Variants in RAD50 observed in about 807,000 individuals in gnomAD.
RAD50 encodes the protein RAD50 double strand break repair protein.
A neutral mutation model predicts 168.8 loss-of-function variants in RAD50; 132 were observed. That is an observed-to-expected ratio of 0.78 (90% CI 0.68 to 0.90). The LOEUF (loss-of-function observed/expected upper bound fraction) is 0.90. Among genes scored for constraint, RAD50 ranks in the 40% least tolerant of loss-of-function variants. The pLI, the probability that RAD50 is intolerant of heterozygous loss-of-function variation, is 0.00. For synonymous variants in RAD50, 525 were observed against 497.4 expected (o/e 1.06, Z -0.74); for missense variants, 1,347 against 1,534.4 (o/e 0.88, Z 2.04).
At position 132,558,548 on chromosome 5, in the gene RAD50, T is replaced by C. The variant is rs563538691; in HGVS notation, c.130-736T>C. Among the ~76,000 whole-genome samples the C allele has an allele frequency of 1.7e-3, 255 of 151,694 alleles. 2 individuals are homozygous for C. Among genetic ancestry groups the C allele is most frequent in the African/African-American group, 6.0e-3 (250 of 41,330 alleles). ...CAACGTGGCGAAACCCCATCTCTAA[T>C]AAAAATACAAAAATTAGCCAGGCGT... On this transcript the variant is annotated intron_variant, in intron 1 of 24. Transcript: ENST00000378823.
intron 19 of RAD50, among the ~76,000 whole-genome samples, chr5:132,612,461 A>G (rs946191700): frequency 6.6e-6 from 1 of 152,212 alleles, no homozygotes; most frequent in Non-Finnish European, 1.5e-5. Context: ...TAAAACTGCT[A>G]AATTGTACAC....
At position 132,589,732 on chromosome 5, in the gene RAD50, C is replaced by T. The variant is rs2149841505; in HGVS notation, c.1347C>T (p.Ile449=). 1 of 1,613,038 alleles carries T rather than the reference C, an allele frequency of 6.2e-7. No individual in the cohort carries two copies. The highest frequency in any genetic ancestry group is 8.5e-7 in the Non-Finnish European group (1 of 1,179,332). The stretch of plus-strand genomic sequence containing the variant: ...GAATAATTGAGTTAAAATCAGAAAT[C>T]CTAAGTAAGAAGCAGAATGAGCTGA... ...LGRIIELKSE[I]LSKKQNELKN... The change falls in exon 9 of 25, where the codon ATC becomes ATT. Residue 449 remains isoleucine (I), a synonymous_variant. Coordinates refer to ENST00000378823, the MANE Select transcript of RAD50 (RefSeq NM_005732.4).
At chr5:132,562,368 G>A (rs1378948210) in intron 2 of RAD50, among the ~76,000 whole-genome samples, 1 of 152,160 alleles carries the variant, frequency 6.6e-6, no homozygotes, top group East Asian at 1.9e-4. Context: ...GATGATCCAG[G>A]TGAGAAATAT....
intron 5 of RAD50, 152 bp from the exon 6 acceptor site, chr5:132,587,410 A>T: frequency 8.4e-7 from 1 of 1,189,680 alleles, no homozygotes; most frequent in Non-Finnish European, 1.1e-6. Context: ...TCTGAACTTC[A>T]GTTTCTCTAG....
intron 5 of RAD50, among the ~76,000 whole-genome samples, chr5:132,582,917 G>A (rs906422079): frequency 6.6e-6 from 1 of 152,148 alleles, no homozygotes; most frequent in African/African-American, 2.4e-5. Context: ...AAGGAATTCA[G>A]GGGATCTGGT....
chr5:132,568,195 C>T (rs1302353747), intron 2 of RAD50, among the ~76,000 whole-genome samples: 4 of 152,002 alleles, frequency 2.6e-5, no homozygotes, highest in East Asian at 1.9e-4. Flanking sequence ...CTCAGCCTCC[C>T]GAGTAGCTGG....
intron 21 of RAD50, among the ~76,000 whole-genome samples, chr5:132,625,007 CT>C (rs1367549786): frequency 6.6e-6 from 1 of 151,568 alleles, no homozygotes. Context: ...TAAGTTTTAC[CT>C]TTTTTAAAAA....
At chr5:132,563,879 TTGTTTAAAAGTG>T (rs1464075989) in intron 2 of RAD50, among the ~76,000 whole-genome samples, 5 of 152,112 alleles carry the variant, frequency 3.3e-5, no homozygotes, top group African/African-American at 4.8e-5. Context: ...TGAGATCTGA[TTGTTTAAAAGTG>T]TGTAGCACCT....
intron 11 of RAD50, among the ~76,000 whole-genome samples, chr5:132,594,503 T>C (rs1258994631): frequency 1.3e-5 from 2 of 152,154 alleles, no homozygotes; most frequent in African/African-American, 4.8e-5. Context: ...GAAGTAGTAT[T>C]TGTGAAAGGA....
chr5:132,628,628 C>G (rs920307924), intron 21 of RAD50, among the ~76,000 whole-genome samples: 1 of 151,934 alleles, frequency 6.6e-6, no homozygotes, highest in Non-Finnish European at 1.5e-5. Flanking sequence ...GGTGGATCAC[C>G]TGAAGTCAGG....
intron 5 of RAD50, among the ~76,000 whole-genome samples, chr5:132,581,353 C>T (rs1376955461): frequency 1.3e-5 from 2 of 152,254 alleles, no homozygotes; most frequent in East Asian, 3.9e-4. Flanking sequence ...CTCCCGACCT[C>T]AAGTGATCTG....
intron 13 of RAD50, among the ~76,000 whole-genome samples, chr5:132,596,013 T>G (rs1750786443): frequency 6.6e-6 from 1 of 152,108 alleles, no homozygotes; most frequent in South Asian, 2.1e-4. Context: ...CTTTTTTTTT[T>G]CTGAGACAGA....
chr5:132,579,872 G>C lies in RAD50; in HGVS notation c.562G>C (p.Ala188Pro). The C allele has an allele frequency of 6.2e-7, 1 of 1,610,748 alleles. No homozygotes were observed. Among genetic ancestry groups the C allele is most frequent in the Non-Finnish European group, 8.5e-7 (1 of 1,177,226 alleles). ...EIFSATRYIK[A>P]LETLRQVRQT... is the part of the protein sequence containing the mutation. ...TTCATATCTTCAAAGATACATTAAA[G>C]CCTTAGAAACACTTCGGCAGGTACG... The change falls in exon 5 of 25, where the codon GCC becomes CCC. Residue 188 changes from alanine (A) to proline (P), a missense_variant. Physicochemically the swap from Ala to Pro is conservative, Grantham distance 27 (BLOSUM62 -1). This residue lies in a region of RAD50 where 703 missense variants were observed against 767.7 expected (regional missense o/e 0.92). Coordinates refer to ENST00000378823, the MANE Select transcript of RAD50 (RefSeq NM_005732.4).
chr5:132,618,633 C>T (rs1201540177), intron 21 of RAD50, among the ~76,000 whole-genome samples: 8 of 152,214 alleles, frequency 5.3e-5, no homozygotes, highest in Non-Finnish European at 2.9e-5. Context: ...CCGCCTCGGC[C>T]TCCCAAAGTG....
intron 2 of RAD50, among the ~76,000 whole-genome samples, chr5:132,568,137 CT>C (rs1305001108): frequency 2.0e-5 from 3 of 151,736 alleles, no homozygotes; most frequent in Middle Eastern, 3.2e-3. Flanking sequence ...GTGGCACAAT[CT>C]CGGCTCACTG....
chr5:132,617,067 C>G (rs1353552137), intron 20 of RAD50, among the ~76,000 whole-genome samples: 7 of 152,112 alleles, frequency 4.6e-5, no homozygotes, highest in Admixed American at 4.6e-4. Context: ...ATTATGCACA[C>G]TTAGACCCAG....
At chr5:132,562,957 G>T (rs995175527) in intron 2 of RAD50, among the ~76,000 whole-genome samples, 1 of 152,208 alleles carries the variant, frequency 6.6e-6, no homozygotes, top group Non-Finnish European at 1.5e-5. Flanking sequence ...ATCATCAACT[G>T]TGTCAAATAT....
intron 21 of RAD50, among the ~76,000 whole-genome samples, chr5:132,626,588 AT>A (rs897153878): frequency 1.6e-4 from 24 of 152,330 alleles, no homozygotes; most frequent in Non-Finnish European, 1.6e-4. Context: ...TAAATTCTCT[AT>A]TCTTTAATAG....
intron 13 of RAD50, among the ~76,000 whole-genome samples, chr5:132,597,633 C>T (rs1366375119): frequency 2.6e-5 from 4 of 152,308 alleles, no homozygotes; most frequent in African/African-American, 2.4e-5. Context: ...GCAGTCAAGC[C>T]TTAAGATGAC....
Sources: gnomAD v4.1 joint callset for allele counts (sites outside exome capture counted in the v4.1 genomes callset) on GRCh38, gnomAD v4.1.1 for gene constraint, gnomAD v4.1.1 regional missense constraint, MANE v1.5 for transcripts, NCBI Gene and HGNC (gene_info 2026-07-23, HGNC 2026-07-21) for gene names.